The following DLC1 variants were observed in gnomAD, a reference collection of about 807,000 sequenced individuals.
The protein encoded by DLC1 is rho GTPase-activating protein 7.
A neutral mutation model predicts 140.3 loss-of-function variants in DLC1; 54 were observed. That is an observed-to-expected ratio of 0.38 (90% CI 0.31 to 0.48). The LOEUF (loss-of-function observed/expected upper bound fraction) is 0.48, where lower values mean the gene tolerates loss of function less well. Ranked by LOEUF, DLC1 falls within the 20% of genes least tolerant of loss-of-function variation. The probability of loss-of-function intolerance (pLI) is 0.96; values close to 1 mark genes in which losing one functional copy is unlikely to be tolerated. For missense variants in DLC1, 2,536 were observed against 1,907.0 expected (o/e 1.33, Z -6.14); for synonymous variants, 986 against 728.1 (o/e 1.35, Z -5.70).
intron 5 of DLC1, among the ~76,000 whole-genome samples, chr8:13,123,444 G>T (rs183472437): frequency 6.6e-6 from 1 of 151,280 alleles, no homozygotes; most frequent in East Asian, 2.0e-4. Flanking sequence ...AGGTTCAAGC[G>T]ATTCTCCTGC....
At chr8:13,157,088 T>C (rs1035076430) in intron 5 of DLC1, among the ~76,000 whole-genome samples, 1 of 152,214 alleles carries the variant, frequency 6.6e-6, no homozygotes, top group Non-Finnish European at 1.5e-5. Context: ...GTCATGCGTG[T>C]CACGCTGACC....
intron 2 of DLC1, among the ~76,000 whole-genome samples, chr8:13,495,702 T>C (rs2117183814): frequency 6.6e-6 from 1 of 152,322 alleles, no homozygotes; most frequent in South Asian, 2.1e-4. Flanking sequence ...TAAACCCTGG[T>C]AGTCTGAAAT....
chr8:13,312,386 A>AAAAAATAATAAT lies in DLC1; in HGVS notation c.1315-7085_1315-7084insATTATTATTTTT, dbSNP rs71207139. Among the ~76,000 whole-genome samples the AAAAAATAATAAT allele has an allele frequency of 1.8e-3, 150 of 81,690 alleles. 13 individuals carry two copies. The highest frequency in any genetic ancestry group is 3.2e-3 in the South Asian group (7 of 2,200). 53.6% of individuals were successfully genotyped at this position (81,690 alleles called of 152,430 possible). On this transcript the variant is annotated intron_variant, in intron 4 of 17. Coordinates refer to ENST00000276297, the MANE Select transcript of DLC1 (RefSeq NM_182643.3). ...AAAAAAAAAAAAAAAAAAAAAAAAA[A>AAAAAATAATAAT]AATAATTTCTTTAGCAAGCTAGATA...
At chr8:13,124,365 A>C (rs1242669805) in intron 5 of DLC1, among the ~76,000 whole-genome samples, 1 of 152,210 alleles carries the variant, frequency 6.6e-6, no homozygotes, top group Non-Finnish European at 1.5e-5. Context: ...CCCTGAATGA[A>C]GTAAGAGGTA....
intron 5 of DLC1, among the ~76,000 whole-genome samples, chr8:13,123,334 C>T (rs999992079): frequency 4.0e-5 from 6 of 151,720 alleles, no homozygotes; most frequent in Non-Finnish European, 7.4e-5. Context: ...CTGCACCCCC[C>T]GCCCCCGCAC....
At chr8:13,101,399 G>A (rs1048941619) in intron 8 of DLC1, among the ~76,000 whole-genome samples, 15 of 152,206 alleles carry the variant, frequency 9.9e-5, no homozygotes, top group African/African-American at 3.4e-4. Flanking sequence ...ATTTTGAACT[G>A]AAGTCAGCAA....
At chr8:13,390,683 A>G (rs569351163) in intron 4 of DLC1, among the ~76,000 whole-genome samples, 1 of 152,318 alleles carries the variant, frequency 6.6e-6, no homozygotes, top group Admixed American at 6.5e-5. Context: ...CTGCACATGT[A>G]TCCTGGAACT....
intron 5 of DLC1, among the ~76,000 whole-genome samples, chr8:13,297,967 C>T (rs1182147481): frequency 2.0e-5 from 3 of 151,922 alleles, no homozygotes; most frequent in Non-Finnish European, 2.9e-5. Context: ...CAAGTCTGGG[C>T]TTTGTTATTT....
chr8:13,135,562 C>G (rs62493038), intron 5 of DLC1, among the ~76,000 whole-genome samples: 1 of 148,804 alleles, frequency 6.7e-6, no homozygotes, highest in Non-Finnish European at 1.5e-5. Flanking sequence ...GTGTAATATT[C>G]AAACTTAAAA....
At chr8:13,513,831 T>C (rs1032597798) in intron 1 of DLC1, among the ~76,000 whole-genome samples, 1 of 152,192 alleles carries the variant, frequency 6.6e-6, no homozygotes, top group Non-Finnish European at 1.5e-5. Context: ...GAGTGATTTC[T>C]GGCTGCCTTA....
intron 5 of DLC1, among the ~76,000 whole-genome samples, chr8:13,266,097 C>T (rs1830679573): frequency 6.6e-6 from 1 of 152,190 alleles, no homozygotes; most frequent in Non-Finnish European, 1.5e-5. Flanking sequence ...TTTTCTCTGT[C>T]TTCCTTTCTT....
chr8:13,403,639 C>T (rs937078660), intron 2 of DLC1, among the ~76,000 whole-genome samples: 2 of 151,686 alleles, frequency 1.3e-5, no homozygotes, highest in South Asian at 2.1e-4. Context: ...CCCTTCCTTC[C>T]TTTTTTCCCT....
chr8:13,453,430 A>T (rs1185274353), intron 2 of DLC1, among the ~76,000 whole-genome samples: 28 of 31,492 alleles, frequency 8.9e-4, no homozygotes, highest in South Asian at 2.1e-3. Flanking sequence ...ATATGTGTAT[A>T]TATATATGTA....
intron 4 of DLC1, among the ~76,000 whole-genome samples, chr8:13,348,272 A>T (rs750617790): frequency 8.5e-5 from 13 of 152,184 alleles, no homozygotes; most frequent in Non-Finnish European, 1.3e-4. Flanking sequence ...GTTGGGCATG[A>T]GAAGTTCCAT....
rs191782698 is a variant in DLC1 at position 13,355,896 on chromosome 8, A to T, written c.1314+37657T>A. Among the ~76,000 whole-genome samples, 748 of 151,548 alleles carry T rather than the reference A, an allele frequency of 4.9e-3. 4 individuals carry two copies. Among genetic ancestry groups the T allele is most frequent in the Non-Finnish European group, 7.4e-3 (503 of 67,868 alleles). ...TCAGGAGATCGAGACCATCTTGGCT[A>T]ACATGGTGAAACCCCGTCTCTACTA... On this transcript the variant is annotated intron_variant, in intron 4 of 17. Coordinates refer to ENST00000276297, the MANE Select transcript of DLC1 (RefSeq NM_182643.3).
chr8:13,168,799 T>C (rs539947544), intron 5 of DLC1, among the ~76,000 whole-genome samples: 87 of 152,342 alleles, frequency 5.7e-4, no homozygotes, highest in Middle Eastern at 3.4e-3. Flanking sequence ...ACGGGTGACC[T>C]TCTCGTTGCT....
chr8:13,358,765 A>T (rs532350152), intron 4 of DLC1, among the ~76,000 whole-genome samples: 3 of 152,178 alleles, frequency 2.0e-5, no homozygotes, highest in Admixed American at 1.3e-4. Flanking sequence ...TGTTACTTGA[A>T]CCCAAGCACT....
At chr8:13,265,057 G>A (rs921004401) in intron 5 of DLC1, among the ~76,000 whole-genome samples, 1 of 152,134 alleles carries the variant, frequency 6.6e-6, no homozygotes, top group African/African-American at 2.4e-5. Context: ...TTGTACAAGG[G>A]TATGGGTCAG....
At chr8:13,220,105 T>C (rs747129122) in intron 5 of DLC1, among the ~76,000 whole-genome samples, 6 of 152,144 alleles carry the variant, frequency 3.9e-5, no homozygotes, top group Non-Finnish European at 8.8e-5. Context: ...TAGATAATGG[T>C]GATGGTTGTA....
Sources: allele counts gnomAD v4.1 joint callset (sites outside exome capture counted in the v4.1 genomes callset), GRCh38; gene constraint gnomAD v4.1.1; transcripts MANE v1.5; gene names NCBI Gene and HGNC (gene_info 2026-07-23, HGNC 2026-07-21).